Variants in STARD13 observed in about 807,000 individuals in gnomAD.
STARD13 encodes the protein StAR related lipid transfer domain containing 13.
Under a neutral mutation model 106.4 loss-of-function variants are expected in STARD13, and 62 were observed. The ratio of observed to expected loss-of-function variants is 0.58; its 90% confidence interval spans 0.48 to 0.72. The LOEUF (loss-of-function observed/expected upper bound fraction) is 0.72. Among genes scored for constraint, STARD13 ranks in the 30% least tolerant of loss-of-function variants. The pLI is 0.00. For missense variants in STARD13, 1,387 were observed against 1,424.0 expected (o/e 0.97, Z 0.42); for synonymous variants, 565 against 553.0 (o/e 1.02, Z -0.31).
chr13:33,521,147 T>A, the STARD13 span, among the ~76,000 whole-genome samples: 6 of 152,280 alleles, frequency 3.9e-5, no homozygotes, highest in Non-Finnish European at 8.8e-5. Flanking sequence ...GTCACTTGTT[T>A]GGCAGTCAGG....
chr13:33,605,827 TGAAA>T, the STARD13 span, among the ~76,000 whole-genome samples: 1 of 152,212 alleles, frequency 6.6e-6, no homozygotes, highest in Non-Finnish European at 1.5e-5. Context: ...GGTAGTCTCT[TGAAA>T]GAAACAAATT....
chr13:33,529,973 A>G, the STARD13 span, among the ~76,000 whole-genome samples: 2 of 152,104 alleles, frequency 1.3e-5, no homozygotes, highest in Non-Finnish European at 2.9e-5. Context: ...GCCCTGTGAA[A>G]TTTTTTATTG....
chr13:33,606,660 G>A, the STARD13 span, among the ~76,000 whole-genome samples: 3 of 152,200 alleles, frequency 2.0e-5, no homozygotes, highest in East Asian at 5.8e-4. Flanking sequence ...AATTTCCACT[G>A]GTGTATTAGT....
intron 1 of STARD13, among the ~76,000 whole-genome samples, chr13:33,223,285 A>G (rs917106745): frequency 5.3e-5 from 8 of 152,218 alleles, no homozygotes; most frequent in Non-Finnish European, 1.0e-4. Flanking sequence ...CTGTCATAAA[A>G]CAAAACTGAA....
At chr13:33,495,789 GTAT>G in the STARD13 span, among the ~76,000 whole-genome samples, 5 of 146,708 alleles carry the variant, frequency 3.4e-5, no homozygotes, top group East Asian at 2.0e-4. Context: ...ATTCAGACAA[GTAT>G]TATAATATAA....
chr13:33,543,056 C>T, the STARD13 span, among the ~76,000 whole-genome samples: 6 of 152,204 alleles, frequency 3.9e-5, no homozygotes, highest in Non-Finnish European at 8.8e-5. Flanking sequence ...GGAAACTGTT[C>T]TTTCTCTAGT....
chr13:33,385,183 G>A, the STARD13 span, among the ~76,000 whole-genome samples: 1 of 118,990 alleles, frequency 8.4e-6, no homozygotes, highest in African/African-American at 3.1e-5. Flanking sequence ...ACACACCTTG[G>A]AAATCCAGAT....
chr13:33,665,956 C>T, the STARD13 span, among the ~76,000 whole-genome samples: 2 of 152,166 alleles, frequency 1.3e-5, no homozygotes, highest in Admixed American at 1.3e-4. Flanking sequence ...TCAGTAGAAT[C>T]CATGCTTGAC....
chr13:33,324,352 C>A (rs533284017), intron 1 of STARD13, among the ~76,000 whole-genome samples: 5 of 152,268 alleles, frequency 3.3e-5, no homozygotes, highest in African/African-American at 1.2e-4. Flanking sequence ...TCCTCAAGTC[C>A]TACATAACAA....
chr13:33,499,637 CTTCTT>C, the STARD13 span, among the ~76,000 whole-genome samples: 1 of 130,520 alleles, frequency 7.7e-6, no homozygotes. Flanking sequence ...TCTTCTTCTT[CTTCTT>C]CTTCTCCTTC....
intron 1 of STARD13, among the ~76,000 whole-genome samples, chr13:33,302,879 C>T (rs1892772603): frequency 6.6e-6 from 1 of 152,194 alleles, no homozygotes; most frequent in African/African-American, 2.4e-5. Context: ...CAATATCATT[C>T]TGATACTATT....
At chr13:33,665,122 C>T in the STARD13 span, among the ~76,000 whole-genome samples, 1 of 152,326 alleles carries the variant, frequency 6.6e-6, no homozygotes, top group Admixed American at 6.5e-5. Context: ...CATCCAACAA[C>T]AGAATCCAGA....
the STARD13 span, among the ~76,000 whole-genome samples, chr13:33,510,746 A>G: frequency 6.6e-6 from 1 of 152,198 alleles, no homozygotes; most frequent in African/African-American, 2.4e-5. Context: ...CCTGCCCAAT[A>G]ATGCAGCCAA....
the STARD13 span, among the ~76,000 whole-genome samples, chr13:33,526,503 C>G: frequency 6.6e-6 from 1 of 152,178 alleles, no homozygotes; most frequent in East Asian, 1.9e-4. Context: ...CGTGCTTCTT[C>G]CCTAGGACCC....
At chr13:33,295,040 T>C (rs770950101) in intron 1 of STARD13, among the ~76,000 whole-genome samples, 2 of 152,028 alleles carry the variant, frequency 1.3e-5, no homozygotes, top group African/African-American at 2.4e-5. Flanking sequence ...CAAGCAGCAG[T>C]TGGGAATTGA....
At chr13:33,416,378 T>C in the STARD13 span, among the ~76,000 whole-genome samples, 1 of 152,208 alleles carries the variant, frequency 6.6e-6, no homozygotes. Context: ...AGTAGGAGTT[T>C]GGCAGGCAAA....
intron 4 of STARD13, among the ~76,000 whole-genome samples, chr13:33,137,848 C>T (rs144959272): frequency 6.6e-6 from 1 of 151,112 alleles, no homozygotes. Flanking sequence ...GACTTTCTCT[C>T]ATCTGACTGC....
At chr13:33,474,016 G>T in the STARD13 span, among the ~76,000 whole-genome samples, 1 of 152,136 alleles carries the variant, frequency 6.6e-6, no homozygotes, top group African/African-American at 2.4e-5. Flanking sequence ...GTGATTGTTT[G>T]TTTTTATGTG....
chr13:33,196,416 A>G (rs1204125420), intron 1 of STARD13, among the ~76,000 whole-genome samples: 1 of 152,184 alleles, frequency 6.6e-6, no homozygotes, highest in Non-Finnish European at 1.5e-5. Context: ...AATAAAATAA[A>G]TATTTTTAAA....
Sources: allele counts gnomAD v4.1 joint callset (sites outside exome capture counted in the v4.1 genomes callset), GRCh38; gene constraint gnomAD v4.1.1; transcripts MANE v1.5; gene names NCBI Gene and HGNC (gene_info 2026-07-23, HGNC 2026-07-21).